Variants in PTPRQ observed in about 807,000 individuals in gnomAD.
The protein encoded by PTPRQ is protein tyrosine phosphatase receptor type Q.
Under a neutral mutation model 246.0 loss-of-function variants are expected in PTPRQ, and 199 were observed. The observed-to-expected ratio is 0.81, with a 90% CI of 0.72 to 0.91. The LOEUF is 0.91. PTPRQ is among the 40% of genes least tolerant of loss of function. The pLI, the probability that PTPRQ is intolerant of heterozygous loss-of-function variation, is 0.00. For missense variants in PTPRQ, 2,624 were observed against 2,528.4 expected (o/e 1.04, Z -0.81); for synonymous variants, 869 against 853.2 (o/e 1.02, Z -0.32).
At chr12:80,534,273 G>A in intron 18 of PTPRQ, 98 bp downstream of exon 18, 1 of 1,212,036 alleles carries the variant, frequency 8.3e-7, no homozygotes, top group Non-Finnish European at 1.1e-6. Flanking sequence ...GTATGATGAA[G>A]CCTAATATTC....
chr12:80,576,342 A>G lies in PTPRQ; in HGVS notation c.4286-11787A>G, dbSNP rs1328985314. ...TTTTTAGTAAAGATGGGGTTTCACC[A>G]TGTTGGCTAGGCTAGTCTCAAATTC... On this transcript the variant is annotated intron_variant, in intron 25 of 44. Coordinates refer to ENST00000644991, the MANE Select transcript of PTPRQ (RefSeq NM_001145026.2). 2.6e-5 allele frequency among the ~76,000 whole-genome samples: 4 copies of G among 152,180 alleles called. No individual in the cohort carries two copies. In the East Asian group the frequency reaches 7.7e-4, roughly 29 times the overall value.
At chr12:80,468,450 T>A (rs1251228849) in intron 6 of PTPRQ, among the ~76,000 whole-genome samples, 1 of 152,156 alleles carries the variant, frequency 6.6e-6, no homozygotes, top group Non-Finnish European at 1.5e-5. Context: ...AATATTAGAA[T>A]GAAACTTGCG....
intron 37 of PTPRQ, among the ~76,000 whole-genome samples, chr12:80,651,800 C>A (rs1900267329): frequency 6.6e-6 from 1 of 151,830 alleles, no homozygotes. Context: ...TCTAGGACTC[C>A]TTATTGGGTT....
At chr12:80,596,511 T>C (rs939930820) in intron 26 of PTPRQ, among the ~76,000 whole-genome samples, 1 of 152,026 alleles carries the variant, frequency 6.6e-6, no homozygotes, top group Non-Finnish European at 1.5e-5. Context: ...AGCTTAGCTG[T>C]ATTTTATCTT....
rs1387962729 is a variant in PTPRQ, at chr12:80,612,461, A to G, written c.4919-1131A>G. Among the ~76,000 whole-genome samples, 4 of 150,486 alleles carry G rather than the reference A, an allele frequency of 2.7e-5. No homozygotes were observed. The Admixed American group carries it at 2.7e-4, about 10-fold the overall frequency. ...TAGCCATTCGGAAAATGCAAATTAA[A>G]GCCACAATAAGGTATTATTGTCTAT... is the stretch of plus-strand genomic sequence containing the variant. On this transcript the variant is annotated intron_variant, in intron 28 of 44. Transcript: ENST00000644991.
intron 27 of PTPRQ, among the ~76,000 whole-genome samples, chr12:80,605,415 G>C (rs1306017374): frequency 6.6e-6 from 1 of 151,146 alleles, no homozygotes; most frequent in African/African-American, 2.4e-5. Context: ...TATGGTAAAT[G>C]CTCAATAAAT....
At chr12:80,480,516 C>T (rs1894002667) in intron 8 of PTPRQ, among the ~76,000 whole-genome samples, 1 of 145,842 alleles carries the variant, frequency 6.9e-6, no homozygotes, top group Non-Finnish European at 1.5e-5. Context: ...CAAGAAATAA[C>T]TAAAATCAGA....
At chr12:80,464,099 T>A (rs1174734020) in intron 6 of PTPRQ, among the ~76,000 whole-genome samples, 1 of 151,846 alleles carries the variant, frequency 6.6e-6, no homozygotes, top group South Asian at 2.1e-4. Context: ...TCAAGACCCA[T>A]CAGTGTGTTG....
chr12:80,673,710 G>A (rs962007217), intron 43 of PTPRQ, among the ~76,000 whole-genome samples: 3 of 152,028 alleles, frequency 2.0e-5, no homozygotes, highest in African/African-American at 7.2e-5. Flanking sequence ...AGTTCTATGG[G>A]TTTTACTTCT....
chr12:80,678,379 C>G (rs377321299), intron 43 of PTPRQ, among the ~76,000 whole-genome samples: 2 of 152,106 alleles, frequency 1.3e-5, no homozygotes, highest in African/African-American at 4.8e-5. Flanking sequence ...TGTTTAGTGA[C>G]AAGTGTTAGA....
intron 17 of PTPRQ, among the ~76,000 whole-genome samples, chr12:80,518,670 G>A (rs777258880): frequency 2.0e-5 from 3 of 152,098 alleles, no homozygotes; most frequent in South Asian, 4.1e-4. Context: ...GAAAGATGGA[G>A]GTCAAGTTTC....
chr12:80,536,880 T>C (rs1244504695), intron 19 of PTPRQ, among the ~76,000 whole-genome samples: 2 of 152,234 alleles, frequency 1.3e-5, no homozygotes, highest in Non-Finnish European at 2.9e-5. Context: ...TAGTTCTAAA[T>C]TTTAGCAATC....
intron 25 of PTPRQ, among the ~76,000 whole-genome samples, chr12:80,581,936 C>T (rs1897452127): frequency 6.6e-6 from 1 of 152,194 alleles, no homozygotes; most frequent in Non-Finnish European, 1.5e-5. Context: ...CAGGCATTCT[C>T]ATGCATGTTG....
intron 37 of PTPRQ, among the ~76,000 whole-genome samples, chr12:80,650,492 AT>A (rs1022394271): frequency 2.0e-5 from 3 of 151,968 alleles, no homozygotes; most frequent in Non-Finnish European, 4.4e-5. Flanking sequence ...TTTCTATTTT[AT>A]TTTTTTCCAT....
chr12:80,484,367 C>CT, intron 8 of PTPRQ, 66 bp from the exon 9 acceptor site: 1 of 1,481,930 alleles, frequency 6.7e-7, no homozygotes, highest in Non-Finnish European at 8.9e-7. Flanking sequence ...AATTTAGGCA[C>CT]TTTTTTCACT....
intron 27 of PTPRQ, among the ~76,000 whole-genome samples, chr12:80,609,429 C>A (rs1282108927): frequency 6.6e-6 from 1 of 150,482 alleles, no homozygotes; most frequent in Non-Finnish European, 1.5e-5. Context: ...GTGTATAAAA[C>A]CTGGTTTTAA....
intron 8 of PTPRQ, among the ~76,000 whole-genome samples, chr12:80,479,491 A>G (rs1468272406): frequency 6.7e-6 from 1 of 150,078 alleles, no homozygotes; most frequent in South Asian, 2.1e-4. Flanking sequence ...TAACCAGCTA[A>G]CATCATAATG....
chr12:80,632,598 C>A (rs187093629), intron 34 of PTPRQ, among the ~76,000 whole-genome samples: 44 of 152,196 alleles, frequency 2.9e-4, no homozygotes, highest in African/African-American at 9.6e-4. Flanking sequence ...ATCTAAGAGT[C>A]CAGAAGTAGC....
At chr12:80,654,808 C>T (rs574109815) in intron 38 of PTPRQ, among the ~76,000 whole-genome samples, 21 of 151,812 alleles carry the variant, frequency 1.4e-4, no homozygotes, top group South Asian at 2.1e-4. Flanking sequence ...TGCAGTGAGC[C>T]GAGATCGCAC....
Sources: gnomAD v4.1 joint callset for allele counts (sites outside exome capture counted in the v4.1 genomes callset) on GRCh38, gnomAD v4.1.1 for gene constraint, MANE v1.5 for transcripts, NCBI Gene and HGNC (gene_info 2026-07-23, HGNC 2026-07-21) for gene names.